The following ZSWIM9 variants were observed in gnomAD, a reference collection of about 807,000 sequenced individuals.
The protein encoded by ZSWIM9 is zinc finger SWIM-type containing 9, also known as uncharacterized protein ZSWIM9.
A neutral mutation model predicts 25.0 loss-of-function variants in ZSWIM9; 11 were observed. The ratio of observed to expected loss-of-function variants is 0.44; its 90% CI spans 0.28 to 0.73. ZSWIM9 has a LOEUF of 0.73. ZSWIM9 is among the 30% of genes least tolerant of loss of function. The pLI, the probability that ZSWIM9 is intolerant of heterozygous loss-of-function variation, is 0.16. For missense variants in ZSWIM9, 1,070 were observed against 1,296.5 expected, an observed-to-expected ratio of 0.83 and a Z score of 2.68; for synonymous variants, 562 against 582.1, an observed-to-expected ratio of 0.97 and a Z score of 0.50.
chr19:48,171,813 C>T lies in ZSWIM9; in HGVS notation c.11C>T (p.Pro4Leu), dbSNP rs537719674. The T allele has an allele frequency of 2.0e-6, 3 of 1,532,406 alleles. No homozygotes were observed. Among genetic ancestry groups the T allele is most frequent in the African/African-American group, 1.4e-5 (1 of 72,982 alleles). The allele number at this position is 1,532,406 out of a possible 1,614,324, so 94.9% of individuals were successfully genotyped here. Reference sequence around the variant, plus strand: ...ACGCAGGCCCCCAGGATGGAGCGGCCGGAGCCCCCACCCGGCACGGCTGCG... The same window carrying T: ...ACGCAGGCCCCCAGGATGGAGCGGCTGGAGCCCCCACCCGGCACGGCTGCG... MERPEPPPGTAAGQ... is the reference protein window; with the variant it reads MERLEPPPGTAAGQ... The change falls in exon 2 of 4, where the codon CCG becomes CTG. Residue 4 changes from proline to leucine, a missense_variant. Coordinates refer to ENST00000614654, the MANE Select transcript of ZSWIM9 (RefSeq NM_199341.4).
Position 48,195,913 on chromosome 19 carries a change from G to A in ZSWIM9, c.1849G>A (p.Glu617Lys). ...TDLRGTQFDY[E>K]RVRSLEGSPW... ...CCTGAGGGGGACCCAGTTTGACTAT[G>A]AGAGGGTCAGGAGTCTTGAAGGAAG... The change falls in exon 4 of 4, where the codon GAG (glutamate) becomes AAG (lysine). Residue 617 changes from glutamate (E) to lysine (K), a missense_variant. Physicochemically the swap from Glu to Lys is moderately conservative, Grantham distance 56. Transcript: ENST00000614654. The surrounding 1 kb of genome is among the most constrained non-coding windows in gnomAD (Gnocchi z 5.8). The A allele has an allele frequency of 7.2e-7, 1 of 1,384,454 alleles. No homozygotes were observed. The highest frequency in any genetic ancestry group is 9.3e-7 in the Non-Finnish European group (1 of 1,074,068). The allele number at this position is 1,384,454 out of a possible 1,614,324, so 85.8% of individuals were successfully genotyped here. A position where few individuals can be genotyped will look rare whatever the true frequency, so the allele number is the denominator to read the frequency against.
intron 3 of ZSWIM9, among the ~76,000 whole-genome samples, chr19:48,187,469 A>T (rs1336208193): frequency 2.3e-5 from 2 of 85,276 alleles, no homozygotes; most frequent in African/African-American, 5.2e-5. Context: ...AATTATATAT[A>T]TTATATATAT....
At chr19:48,192,988 A>G (rs2037116863) in intron 3 of ZSWIM9, 1 of 155,298 alleles carries the variant, frequency 6.4e-6, no homozygotes, top group Non-Finnish European at 1.5e-5. Context: ...TGTGACAACA[A>G]TGATGTATTG....
At chr19:48,172,556 C>T (rs1424194417) in intron 2 of ZSWIM9, among the ~76,000 whole-genome samples, 1 of 152,154 alleles carries the variant, frequency 6.6e-6, no homozygotes. Context: ...CTCTGTCACT[C>T]AGGCTGGAGT....
At chr19:48,187,486 T>C (rs1319171107) in intron 3 of ZSWIM9, among the ~76,000 whole-genome samples, 2 of 57,260 alleles carry the variant, frequency 3.5e-5, no homozygotes, top group Admixed American at 3.2e-4. Flanking sequence ...ATATTATATA[T>C]TATATTATAA....
At position 48,182,045 on chromosome 19, in the gene ZSWIM9, A is replaced by T. The variant is rs2036953217; in HGVS notation, c.276-410A>T. The T allele has an allele frequency of 6.0e-6, 1 of 167,542 alleles. No homozygotes were observed. The highest frequency in any genetic ancestry group is 1.3e-5 in the Non-Finnish European group (1 of 78,634). 10.4% of individuals were successfully genotyped at this position (167,542 alleles called of 1,614,324 possible). On this transcript the variant is annotated intron_variant, in intron 2 of 3. Transcript: ENST00000614654. The surrounding 1 kb of genome is among the most constrained non-coding windows in gnomAD (Gnocchi z 4.6). ...TTGCTAAACCAGAAGCAGATACAGGACTATCTGAAATTTTTTATTTCTAAA... is the reference window on the plus strand; with the variant it reads ...TTGCTAAACCAGAAGCAGATACAGGTCTATCTGAAATTTTTTATTTCTAAA...
intron 2 of ZSWIM9, among the ~76,000 whole-genome samples, chr19:48,173,993 G>A (rs921474606): frequency 2.0e-5 from 3 of 152,070 alleles, no homozygotes; most frequent in Non-Finnish European, 4.4e-5. Context: ...CTGGAACACC[G>A]GAAGAGGTGA....
intron 3 of ZSWIM9, among the ~76,000 whole-genome samples, chr19:48,185,398 G>A (rs2036999322): frequency 6.6e-6 from 1 of 152,170 alleles, no homozygotes; most frequent in African/African-American, 2.4e-5. Context: ...GCCTCCCAAA[G>A]TGCTGGGATT....
intron 1 of ZSWIM9, chr19:48,171,517 T>A: frequency 2.3e-6 from 1 of 436,680 alleles, no homozygotes; most frequent in Non-Finnish European, 3.0e-6. Flanking sequence ...ATTCCAACTG[T>A]ACCTAAGGGT....
rs545842986 is a variant in ZSWIM9 at position 48,195,333 on chromosome 19, G to A, written c.1269G>A (p.Val423=). 2.3e-5 allele frequency: 35 copies of A among 1,528,504 alleles called. No homozygotes were observed. In the African/African-American group the frequency reaches 4.0e-4, roughly 18 times the overall value. 94.7% of individuals were successfully genotyped at this position (1,528,504 alleles called of 1,614,324 possible). A position where few individuals can be genotyped will look rare whatever the true frequency, so the allele number is the denominator to read the frequency against. ...LLRRLSPSRG[V]AQCLRDLVAM... is the part of the protein sequence containing the mutation. ...GTCGTCTCAGCCCCTCGCGTGGCGT[G>A]GCGCAGTGCCTTCGCGACCTGGTGG... Residue 423 remains valine, a synonymous_variant, in exon 4 of 4, where the codon GTG becomes GTA. Transcript: ENST00000614654. The surrounding 1 kb of genome is among the most constrained non-coding windows in gnomAD (Gnocchi z 5.8).
chr19:48,181,097 G>GT (rs2036944541), intron 2 of ZSWIM9: 1 of 151,770 alleles, frequency 6.6e-6, no homozygotes, highest in Non-Finnish European at 1.5e-5. Flanking sequence ...CAAAAACAAA[G>GT]TTTTTTCGAA....
chr19:48,172,130 G>T, intron 2 of ZSWIM9, 53 bp downstream of exon 2: 1 of 1,369,554 alleles, frequency 7.3e-7, no homozygotes, highest in South Asian at 1.4e-5. Context: ...CACCGGGGGT[G>T]GGTGTGGGTG....
rs1248993170 is a variant in ZSWIM9 at position 48,195,074 on chromosome 19, G to A, written c.1010G>A (p.Arg337His). Residue 337 changes from arginine (R) to histidine (H), a missense_variant, in exon 4 of 4, where the codon CGC becomes CAC. By Grantham distance (29) the Arg-to-His change is conservative. Transcript: ENST00000614654. The surrounding 1 kb of genome is among the most constrained non-coding windows in gnomAD (Gnocchi z 5.8). ...SKAQELGGAG[R>H]EDPGLWSRLC... ...GCGCAGGAGCTGGGCGGCGCCGGCC[G>A]CGAGGACCCGGGCCTGTGGTCGCGC... 1 of 1,377,248 alleles carries A rather than the reference G, an allele frequency of 7.3e-7. No homozygotes were observed. Among genetic ancestry groups the A allele is most frequent in the Non-Finnish European group, 9.3e-7 (1 of 1,075,202 alleles). The allele number at this position is 1,377,248 out of a possible 1,614,324, so 85.3% of individuals were successfully genotyped here. A position where few individuals can be genotyped will look rare whatever the true frequency, so the allele number is the denominator to read the frequency against.
At chr19:48,174,460 T>C (rs914821821) in intron 2 of ZSWIM9, among the ~76,000 whole-genome samples, 86 of 152,266 alleles carry the variant, frequency 5.6e-4, no homozygotes, top group African/African-American at 2.0e-3. Context: ...CTCTGGGCCA[T>C]TGTGCTGCTG....
chr19:48,177,927 C>T (rs543692205), intron 2 of ZSWIM9, among the ~76,000 whole-genome samples: 31 of 152,180 alleles, frequency 2.0e-4, no homozygotes, highest in Non-Finnish European at 3.4e-4. Context: ...GATGGAGCTT[C>T]GCTCTTGTCG....
At chr19:48,186,291 TTTTGTTTG>T (rs67471251) in intron 3 of ZSWIM9, among the ~76,000 whole-genome samples, 2 of 149,064 alleles carry the variant, frequency 1.3e-5, no homozygotes, top group South Asian at 2.1e-4. Context: ...TACACGCTGT[TTTTGTTTG>T]TTTGTTTGTT....
chr19:48,190,203 CAAAA>C (rs34456808), intron 3 of ZSWIM9, among the ~76,000 whole-genome samples: 3 of 130,646 alleles, frequency 2.3e-5, no homozygotes, highest in Admixed American at 7.8e-5. Context: ...GACTCCATCT[CAAAA>C]AAAAAAAAAA....
At position 48,196,951 on chromosome 19, in the gene ZSWIM9, C is replaced by A; in HGVS notation, c.*124C>A. ...CCCCCTGGCCACCTTCTGGGTCATC[C>A]AGGGACCTCCTCATGGCAGTTTGCC... On this transcript the variant is annotated 3_prime_UTR_variant, in exon 4 of 4. Coordinates refer to ENST00000614654, the MANE Select transcript of ZSWIM9 (RefSeq NM_199341.4). 2.0e-6 allele frequency: 2 copies of A among 1,005,730 alleles called. No individual in the cohort carries two copies. The highest frequency in any genetic ancestry group is 2.6e-6 in the Non-Finnish European group (2 of 761,518). The allele number at this position is 1,005,730 out of a possible 1,614,324, so 62.3% of individuals were successfully genotyped here. A position where few individuals can be genotyped will look rare whatever the true frequency, so the allele number is the denominator to read the frequency against.
At position 48,171,840 on chromosome 19, in the gene ZSWIM9, G is replaced by A; in HGVS notation, c.38G>A (p.Gly13Glu). The change falls in exon 2 of 4, where the codon GGG becomes GAG. Residue 13 changes from glycine (G) to glutamate (E), a missense_variant. By Grantham distance (98) the Gly-to-Glu change is moderately conservative. Coordinates refer to ENST00000614654, the MANE Select transcript of ZSWIM9 (RefSeq NM_199341.4). Reference protein sequence around the residue: ...RPEPPPGTAAGQEEQELRERA... With the variant: ...RPEPPPGTAAEQEEQELRERA... ...GAGCCCCCACCCGGCACGGCTGCGG[G>A]GCAGGAGGAGCAGGAGCTGCGGGAG... 2 of 1,534,568 alleles carry A rather than the reference G, an allele frequency of 1.3e-6. No individual in the cohort carries two copies. The highest frequency in any genetic ancestry group is 1.7e-6 in the Non-Finnish European group (2 of 1,146,352).
Sources: allele counts gnomAD v4.1 joint callset (sites outside exome capture counted in the v4.1 genomes callset), GRCh38; gene constraint gnomAD v4.1.1; non-coding constraint Gnocchi (gnomAD v3.1); transcripts MANE v1.5; gene names NCBI Gene and HGNC (gene_info 2026-07-23, HGNC 2026-07-21).